Variants in C19orf18 observed in about 807,000 individuals in gnomAD.
The protein encoded by C19orf18 is chromosome 19 open reading frame 18.
A neutral mutation model predicts 23.3 loss-of-function variants in C19orf18; 21 were observed. The ratio of observed to expected loss-of-function variants is 0.90; its 90% confidence interval spans 0.64 to 1.30. The LOEUF is 1.30. C19orf18 is among the 50% of genes most tolerant of loss of function. The probability of loss-of-function intolerance (pLI) is 0.00; values close to 1 mark genes in which losing one functional copy is unlikely to be tolerated. For synonymous variants in C19orf18, 96 were observed against 95.2 expected (o/e 1.01, Z -0.05); for missense variants, 249 against 259.6 (o/e 0.96, Z 0.28).
Position 57,960,722 on chromosome 19 carries a change from T to C in C19orf18, c.532+669A>G, listed in dbSNP as rs2072863231. On this transcript the variant is annotated intron_variant, in intron 5 of 5. Transcript: ENST00000314391. ...TGGGAAAAGTTTGTTTCCTGAACTCTGTTAGATCCGTGGAATTGCCCTGCA... is the reference window on the plus strand; with the variant it reads ...TGGGAAAAGTTTGTTTCCTGAACTCCGTTAGATCCGTGGAATTGCCCTGCA... Among the ~76,000 whole-genome samples, 3 of 152,320 alleles carry C rather than the reference T, an allele frequency of 2.0e-5. No homozygotes were observed. In the South Asian group the frequency reaches 6.2e-4, roughly 32 times the overall value.
chr19:57,973,298 GATT>G (rs1334300108), intron 2 of C19orf18, among the ~76,000 whole-genome samples: 18 of 151,320 alleles, frequency 1.2e-4, no homozygotes, highest in Non-Finnish European at 1.8e-4. Context: ...ATGGAATGGA[GATT>G]ATTTACAAGC....
intron 5 of C19orf18, among the ~76,000 whole-genome samples, chr19:57,959,446 G>GA (rs201056258): frequency 1.5e-5 from 2 of 134,936 alleles, no homozygotes; most frequent in African/African-American, 6.2e-5. Flanking sequence ...AACATGGTGA[G>GA]ACCCCCCATC....
At chr19:57,966,756 T>C (rs1202037338) in intron 3 of C19orf18, 124 bp from the exon 4 acceptor site, 3 of 625,764 alleles carry the variant, frequency 4.8e-6, no homozygotes, top group African/African-American at 5.0e-5. Flanking sequence ...CAAAAATAGC[T>C]TGTTTTGTTT....
chr19:57,964,022 C>T (rs1381453536), intron 4 of C19orf18, among the ~76,000 whole-genome samples: 2 of 152,112 alleles, frequency 1.3e-5, no homozygotes, highest in Non-Finnish European at 2.9e-5. Flanking sequence ...AAAAAATGAA[C>T]CACTAAAAAT....
intron 5 of C19orf18, among the ~76,000 whole-genome samples, chr19:57,961,103 C>T (rs190281181): frequency 1.5e-3 from 232 of 152,006 alleles, no homozygotes; most frequent in Middle Eastern, 3.4e-3. Context: ...GGCATGGTGG[C>T]GGGCGCCTGT....
In C19orf18 at chr19:57,974,520, T is replaced by C; in HGVS notation, c.-88A>G. 7.9e-6 allele frequency: 12 copies of C among 1,517,222 alleles called. No homozygotes were observed. The highest frequency in any genetic ancestry group is 1.1e-5 in the Non-Finnish European group (12 of 1,114,098). The allele number at this position is 1,517,222 out of a possible 1,614,324, so 94.0% of individuals were successfully genotyped here. Reference sequence around the variant, plus strand: ...ATCTGTCCTCTATTTATCTGAGGAATCAAGAAGTTCTACTCCCTTCAGAAT... The same window carrying C: ...ATCTGTCCTCTATTTATCTGAGGAACCAAGAAGTTCTACTCCCTTCAGAAT... On this transcript the variant is annotated 5_prime_UTR_variant, in exon 1 of 6. Transcript: ENST00000314391.
intron 5 of C19orf18, among the ~76,000 whole-genome samples, chr19:57,960,339 T>C (rs2072858700): frequency 6.9e-6 from 1 of 144,298 alleles, no homozygotes; most frequent in Admixed American, 7.4e-5. Flanking sequence ...GGCAGGAGAA[T>C]GGCGTGAACC....
intron 3 of C19orf18, among the ~76,000 whole-genome samples, chr19:57,967,607 T>C (rs1340998459): frequency 6.6e-6 from 1 of 151,532 alleles, no homozygotes; most frequent in Non-Finnish European, 1.5e-5. Context: ...CAAAAATTCA[T>C]CGGGTGCGGT....
At chr19:57,973,086 G>A (rs564932612) in intron 2 of C19orf18, among the ~76,000 whole-genome samples, 179 of 142,060 alleles carry the variant, frequency 1.3e-3, no homozygotes, top group African/African-American at 4.5e-3. Context: ...GGTGGAGGTT[G>A]TGGTGAGCCG....
At chr19:57,961,097 T>TGGTGGCTAATTAGCCGGGCA (rs1446368624) in intron 5 of C19orf18, among the ~76,000 whole-genome samples, 1 of 151,756 alleles carries the variant, frequency 6.6e-6, no homozygotes, top group Admixed American at 6.6e-5. Flanking sequence ...TAGCCGGGCA[T>TGGTGGCTAATTAGCCGGGCA]GGTGGCGGGC....
chr19:57,974,381 A>T lies in C19orf18; in HGVS notation c.52T>A (p.Cys18Ser). The change falls in exon 1 of 6, where the codon TGC becomes AGC. Residue 18 changes from cysteine to serine, a missense_variant. Physicochemically the swap from Cys to Ser is moderately radical, Grantham distance 112. Transcript: ENST00000314391. ...TACGGCAAGCATAAATGAAGTTGGCATTCCATTAAAAACAAAAACAAAATG... is the reference window on the plus strand; with the variant it reads ...TACGGCAAGCATAAATGAAGTTGGCTTTCCATTAAAAACAAAAACAAAATG... Reference protein sequence around the residue: ...FLILFLFLMECQLHLCLPYAD... With the variant: ...FLILFLFLMESQLHLCLPYAD... 6.2e-7 allele frequency: 1 copy of T among 1,614,150 alleles called. No homozygotes were observed. Among genetic ancestry groups the T allele is most frequent in the African/African-American group, 1.3e-5 (1 of 75,052 alleles).
rs778881137 is a variant in C19orf18 at position 57,972,514 on chromosome 19, CATCAAAGGGG to C, written c.227-20_227-11del. 6.2e-7 allele frequency: 1 copy of C among 1,613,696 alleles called. No individual in the cohort carries two copies. Among genetic ancestry groups the C allele is most frequent in the Admixed American group, 1.7e-5 (1 of 59,982 alleles). On this transcript the variant is annotated splice_polypyrimidine_tract_variant and intron_variant, in intron 2 of 5. Coordinates refer to ENST00000314391, the MANE Select transcript of C19orf18 (RefSeq NM_152474.5). ...TTCGTAGGGGATGCAGCTAAAAGGC[CATCAAAGGGG>C]ATCAAAAAGAAGAGACTTTAAGATG...
intron 4 of C19orf18, among the ~76,000 whole-genome samples, chr19:57,963,975 C>G (rs572312297): frequency 6.6e-6 from 1 of 152,232 alleles, no homozygotes; most frequent in African/African-American, 2.4e-5. Flanking sequence ...TAAATAAAAG[C>G]AAACTTACCA....
At chr19:57,971,357 C>A (rs890196271) in intron 3 of C19orf18, among the ~76,000 whole-genome samples, 8 of 152,080 alleles carry the variant, frequency 5.3e-5, no homozygotes, top group Non-Finnish European at 8.8e-5. Flanking sequence ...CCCCCAACCA[C>A]CCCAGGGCCA....
chr19:57,962,267 G>A lies in C19orf18; in HGVS notation c.372-716C>T, dbSNP rs188277568. ...GCCCAGGATGGTCTCAAACTCCTAG[G>A]CTCAAGCTGTCTTTCCTCCTTGGCC... On this transcript the variant is annotated intron_variant, in intron 4 of 5. Coordinates refer to ENST00000314391, the MANE Select transcript of C19orf18 (RefSeq NM_152474.5). Among the ~76,000 whole-genome samples the A allele has an allele frequency of 2.2e-3, 332 of 151,998 alleles. 2 individuals carry two copies. Among genetic ancestry groups the A allele is most frequent in the Non-Finnish European group, 2.1e-3 (145 of 67,988 alleles).
intron 4 of C19orf18, among the ~76,000 whole-genome samples, chr19:57,965,052 GA>G (rs1318749800): frequency 6.6e-6 from 1 of 152,184 alleles, no homozygotes; most frequent in Non-Finnish European, 1.5e-5. Flanking sequence ...TAGTGAAAGG[GA>G]GAGTGGTCGC....
intron 4 of C19orf18, among the ~76,000 whole-genome samples, chr19:57,961,894 T>TC (rs981385503): frequency 6.7e-6 from 1 of 150,318 alleles, no homozygotes; most frequent in African/African-American, 2.5e-5. Flanking sequence ...TTCTTTCTCT[T>TC]TTTTTTCCTT....
At chr19:57,969,566 GAAAAAAA>G (rs59100128) in intron 3 of C19orf18, among the ~76,000 whole-genome samples, 40 of 46,496 alleles carry the variant, frequency 8.6e-4, no homozygotes, top group South Asian at 7.5e-3. Flanking sequence ...AAAAAAAACA[GAAAAAAA>G]AAAAAAAAAA....
intron 3 of C19orf18, among the ~76,000 whole-genome samples, chr19:57,969,601 G>GA (rs1241135645): frequency 2.6e-4 from 14 of 54,026 alleles, no homozygotes; most frequent in African/African-American, 9.1e-4. Context: ...AAAAAACCAA[G>GA]AAAAAAAACA....
Sources: gnomAD v4.1 joint callset for allele counts (sites outside exome capture counted in the v4.1 genomes callset) on GRCh38, gnomAD v4.1.1 for gene constraint, MANE v1.5 for transcripts, NCBI Gene and HGNC (gene_info 2026-07-23, HGNC 2026-07-21) for gene names.